The following FSTL4 variants were observed in gnomAD, a reference collection of about 807,000 sequenced individuals.
The protein encoded by FSTL4 is follistatin like 4.
FSTL4 carries 28 observed loss-of-function variants against 78.2 expected under a neutral mutation model. That is an observed-to-expected ratio of 0.36 (90% CI 0.27 to 0.49). The LOEUF (loss-of-function observed/expected upper bound fraction) is 0.49. Ranked by LOEUF, FSTL4 falls within the 20% of genes least tolerant of loss-of-function variation. The probability of loss-of-function intolerance (pLI) is 0.98; values close to 1 mark genes in which losing one functional copy is unlikely to be tolerated. For missense variants in FSTL4, 922 were observed against 1,084.9 expected (o/e 0.85, Z 2.11); for synonymous variants, 422 against 440.5 (o/e 0.96, Z 0.53).
chr5:133,787,443 C>G, the FSTL4 span, among the ~76,000 whole-genome samples: 1 of 152,334 alleles, frequency 6.6e-6, no homozygotes, highest in African/African-American at 2.4e-5. Flanking sequence ...TGCTGAACGC[C>G]TAGGGTTGTT....
At chr5:133,627,456 C>T in the FSTL4 span, among the ~76,000 whole-genome samples, 8 of 152,290 alleles carry the variant, frequency 5.3e-5, no homozygotes, top group East Asian at 1.3e-3. Flanking sequence ...ATTCAATTAT[C>T]TCTCACTGGG....
chr5:133,465,180 C>T (rs1371937071), intron 3 of FSTL4, among the ~76,000 whole-genome samples: 1 of 152,214 alleles, frequency 6.6e-6, no homozygotes, highest in Non-Finnish European at 1.5e-5. Context: ...CCACATTGGT[C>T]TCCCCTGGCC....
At chr5:133,488,944 T>C (rs933135216) in intron 3 of FSTL4, among the ~76,000 whole-genome samples, 1 of 152,188 alleles carries the variant, frequency 6.6e-6, no homozygotes, top group South Asian at 2.1e-4. Flanking sequence ...GCTCCTGCTG[T>C]AGGACCTATC....
At chr5:133,682,501 T>C in the FSTL4 span, among the ~76,000 whole-genome samples, 2 of 152,248 alleles carry the variant, frequency 1.3e-5, no homozygotes, top group Admixed American at 6.5e-5. Context: ...TATGCACAGC[T>C]ATCTACTACA....
At chr5:133,314,063 C>T (rs777337856) in intron 5 of FSTL4, among the ~76,000 whole-genome samples, 1 of 152,194 alleles carries the variant, frequency 6.6e-6, no homozygotes, top group Non-Finnish European at 1.5e-5. Flanking sequence ...CCTGGTAAGG[C>T]TCTGTTTACC....
At chr5:133,555,760 C>G (rs1035958) in intron 3 of FSTL4, among the ~76,000 whole-genome samples, 59,641 of 151,884 alleles carry the variant, frequency 0.39, 11,866 homozygotes, top group African/African-American at 0.44. Context: ...ATCAAATCAA[C>G]GTCCCCTCTG....
the FSTL4 span, among the ~76,000 whole-genome samples, chr5:133,840,074 C>G: frequency 3.3e-5 from 5 of 152,224 alleles, no homozygotes; most frequent in African/African-American, 9.6e-5. Context: ...ACAAAACCTT[C>G]CTTCTACCCT....
chr5:133,761,118 T>C, the FSTL4 span, among the ~76,000 whole-genome samples: 2 of 152,216 alleles, frequency 1.3e-5, no homozygotes, highest in African/African-American at 2.4e-5. Context: ...GCTTGTGAAG[T>C]TTCTCATTTT....
chr5:133,835,822 T>G, the FSTL4 span, among the ~76,000 whole-genome samples: 1 of 152,244 alleles, frequency 6.6e-6, no homozygotes, highest in East Asian at 1.9e-4. Flanking sequence ...CTACCGTGAT[T>G]ATAAATAAGT....
At chr5:133,242,048 T>G (rs1751890232) in intron 7 of FSTL4, among the ~76,000 whole-genome samples, 1 of 152,208 alleles carries the variant, frequency 6.6e-6, no homozygotes, top group South Asian at 2.1e-4. Flanking sequence ...TGGAGAGAGA[T>G]TTGGCAAAAC....
intron 6 of FSTL4, among the ~76,000 whole-genome samples, chr5:133,272,876 T>G (rs1752797314): frequency 6.6e-6 from 1 of 152,266 alleles, no homozygotes; most frequent in African/African-American, 2.4e-5. Context: ...TGTTAGGACT[T>G]GTAATTCTCA....
At chr5:133,233,296 G>A (rs1581552505) in intron 8 of FSTL4, 121 bp downstream of exon 8, 3 of 1,076,058 alleles carry the variant, frequency 2.8e-6, no homozygotes, top group East Asian at 4.8e-5. Flanking sequence ...TAAGAGAGAT[G>A]ATATATTTTG....
the FSTL4 span, among the ~76,000 whole-genome samples, chr5:133,834,691 A>C: frequency 6.6e-6 from 1 of 152,198 alleles, no homozygotes; most frequent in African/African-American, 2.4e-5. Context: ...ATCAGAAAAA[A>C]TAAGCATTAA....
At chr5:133,675,582 C>T in the FSTL4 span, among the ~76,000 whole-genome samples, 1 of 152,176 alleles carries the variant, frequency 6.6e-6, no homozygotes, top group South Asian at 2.1e-4. Context: ...GGTGCCAATG[C>T]CTAGCGTGGT....
At chr5:133,605,993 C>A (rs541762250) in intron 1 of FSTL4, among the ~76,000 whole-genome samples, 6 of 152,160 alleles carry the variant, frequency 3.9e-5, no homozygotes, top group Non-Finnish European at 8.8e-5. Flanking sequence ...CCCCTGCCCC[C>A]CAATGGCTTC....
At chr5:133,602,199 T>C (rs1760884726) in intron 2 of FSTL4, among the ~76,000 whole-genome samples, 1 of 152,152 alleles carries the variant, frequency 6.6e-6, no homozygotes, top group African/African-American at 2.4e-5. Flanking sequence ...ATCACCTCCC[T>C]TTCCTGAAGC....
intron 1 of FSTL4, among the ~76,000 whole-genome samples, chr5:133,607,585 C>T (rs187063415): frequency 1.2e-3 from 190 of 152,340 alleles, no homozygotes; most frequent in African/African-American, 4.3e-3. Context: ...CGTAGACCCA[C>T]GACATCTATT....
intron 4 of FSTL4, among the ~76,000 whole-genome samples, chr5:133,332,157 C>T (rs1281818196): frequency 2.0e-5 from 3 of 152,128 alleles, no homozygotes; most frequent in Non-Finnish European, 2.9e-5. Flanking sequence ...CCTCTTCCAG[C>T]GATGGAGTTT....
At chr5:133,478,593 A>C (rs187693420) in intron 3 of FSTL4, among the ~76,000 whole-genome samples, 72 of 152,318 alleles carry the variant, frequency 4.7e-4, no homozygotes, top group African/African-American at 1.5e-3. Flanking sequence ...GAGTCAAGAA[A>C]ATGTGTAGTT....
Sources: allele counts gnomAD v4.1 joint callset (sites outside exome capture counted in the v4.1 genomes callset), GRCh38; gene constraint gnomAD v4.1.1; transcripts MANE v1.5; gene names NCBI Gene and HGNC (gene_info 2026-07-23, HGNC 2026-07-21).